The following CAMK2D variants were observed in gnomAD, a reference collection of about 807,000 sequenced individuals.
The protein encoded by CAMK2D is calcium/calmodulin dependent protein kinase II delta.
Under a neutral mutation model 84.0 loss-of-function variants are expected in CAMK2D, and 37 were observed. The observed-to-expected ratio is 0.44, with a 90% CI of 0.34 to 0.58. The LOEUF is 0.58. Ranked by LOEUF, CAMK2D falls within the 20% of genes least tolerant of loss-of-function variation. The pLI, the probability that CAMK2D is intolerant of heterozygous loss-of-function variation, is 0.02. For missense variants in CAMK2D, 448 were observed against 652.5 expected (o/e 0.69, Z 3.41); for synonymous variants, 202 against 212.5 (o/e 0.95, Z 0.43).
chr4:113,509,509 T>TCAACCTG, intron 13 of CAMK2D, 129 bp downstream of exon 13: 8 of 645,400 alleles, frequency 1.2e-5, no homozygotes, highest in South Asian at 6.0e-5. Context: ...ATTTCATATT[T>TCAACCTG]CAACCTGCAA....
chr4:113,573,994 T>A (rs1169899077), intron 4 of CAMK2D, among the ~76,000 whole-genome samples: 1 of 152,220 alleles, frequency 6.6e-6, no homozygotes, highest in African/African-American at 2.4e-5. Context: ...TCAGTAGATG[T>A]CTCATGGACA....
chr4:113,576,751 G>A (rs1361221926), intron 4 of CAMK2D, among the ~76,000 whole-genome samples: 1 of 151,910 alleles, frequency 6.6e-6, no homozygotes, highest in African/African-American at 2.4e-5. Flanking sequence ...AAAAAATTAA[G>A]AGGCTAGAAT....
At chr4:113,545,290 T>C (rs1472467660) in intron 6 of CAMK2D, among the ~76,000 whole-genome samples, 1 of 152,220 alleles carries the variant, frequency 6.6e-6, no homozygotes, top group African/African-American at 2.4e-5. Context: ...TATATCCTTA[T>C]AGGTGCTGTT....
At chr4:113,531,062 C>T (rs550077641) in intron 8 of CAMK2D, among the ~76,000 whole-genome samples, 154 bp downstream of exon 8, 11 of 152,106 alleles carry the variant, frequency 7.2e-5, no homozygotes, top group Middle Eastern at 3.4e-3. Flanking sequence ...CCAGCCTGGG[C>T]GACAGAGCAA....
chr4:113,523,856 T>A (rs975618995), intron 8 of CAMK2D, among the ~76,000 whole-genome samples: 1 of 151,998 alleles, frequency 6.6e-6, no homozygotes, highest in Non-Finnish European at 1.5e-5. Flanking sequence ...TTTTTGTTGT[T>A]TTTTTGTTTT....
rs909904696 is a variant in CAMK2D at position 113,455,966 on chromosome 4, G to A, written c.1536-145C>T. Reference sequence around the variant, plus strand: ...TGTAACCCCTTCTATATTAACTGGCGATTTGTGCTGTACCTCTTTGGGGTG... The same window carrying A: ...TGTAACCCCTTCTATATTAACTGGCAATTTGTGCTGTACCTCTTTGGGGTG... On this transcript the variant is annotated intron_variant, in intron 19 of 20. Coordinates refer to ENST00000511664, the MANE Select transcript of CAMK2D (RefSeq NM_001321571.2). 2.9e-5 allele frequency: 14 copies of A among 485,740 alleles called. No individual in the cohort carries two copies. In the South Asian group the frequency reaches 6.3e-4, roughly 22 times the overall value. The allele number at this position is 485,740 out of a possible 1,614,324, so 30.1% of individuals were successfully genotyped here.
intron 12 of CAMK2D, among the ~76,000 whole-genome samples, chr4:113,511,632 A>AT (rs2098216174): frequency 1.3e-5 from 2 of 152,212 alleles, no homozygotes; most frequent in African/African-American, 2.4e-5. Flanking sequence ...AATATCATAT[A>AT]TATGAATTAA....
chr4:113,760,967 G>T (rs2099640103), intron 1 of CAMK2D, 37 bp downstream of exon 1: 2 of 1,613,888 alleles, frequency 1.2e-6, no homozygotes, highest in Non-Finnish European at 1.7e-6. Flanking sequence ...CCCTCAGCTG[G>T]AAAGGGGATA....
At chr4:113,492,213 A>G (rs1437912199) in intron 16 of CAMK2D, among the ~76,000 whole-genome samples, 1 of 151,732 alleles carries the variant, frequency 6.6e-6, no homozygotes, top group Non-Finnish European at 1.5e-5. Flanking sequence ...TTGCTTTTCT[A>G]GTTCTTTTAA....
chr4:113,676,045 A>G (rs779880094), intron 2 of CAMK2D, among the ~76,000 whole-genome samples: 1 of 152,190 alleles, frequency 6.6e-6, no homozygotes, highest in Non-Finnish European at 1.5e-5. Flanking sequence ...CTTTATCTCT[A>G]TCATACAAAC....
At chr4:113,472,118 G>A (rs1243962041) in intron 16 of CAMK2D, among the ~76,000 whole-genome samples, 3 of 152,022 alleles carry the variant, frequency 2.0e-5, no homozygotes, top group Non-Finnish European at 4.4e-5. Flanking sequence ...GCTACTTTAC[G>A]TTACTTTGAT....
chr4:113,676,247 G>A (rs2099317866), intron 2 of CAMK2D, among the ~76,000 whole-genome samples: 1 of 152,112 alleles, frequency 6.6e-6, no homozygotes, highest in Non-Finnish European at 1.5e-5. Flanking sequence ...TCAGTTCCTT[G>A]ACCTCCCTGT....
chr4:113,693,814 A>T (rs1561876172), intron 2 of CAMK2D, among the ~76,000 whole-genome samples: 4 of 151,598 alleles, frequency 2.6e-5, no homozygotes, highest in South Asian at 4.2e-4. Flanking sequence ...CTGAAAGGTA[A>T]TTTTTTTTTA....
chr4:113,479,023 A>T (rs2097665834), intron 16 of CAMK2D, among the ~76,000 whole-genome samples: 1 of 152,206 alleles, frequency 6.6e-6, no homozygotes, highest in Non-Finnish European at 1.5e-5. Context: ...AACCACATGC[A>T]GTGATGTTAA....
chr4:113,692,574 A>ACATATATTCACACATATT (rs1464504896), intron 2 of CAMK2D, among the ~76,000 whole-genome samples: 2 of 152,002 alleles, frequency 1.3e-5, no homozygotes, highest in Admixed American at 1.3e-4. Context: ...AGTCATACAT[A>ACATATATTCACACATATT]CATATATTCA....
intron 16 of CAMK2D, among the ~76,000 whole-genome samples, chr4:113,494,575 G>C (rs1426073655): frequency 6.6e-6 from 1 of 152,236 alleles, no homozygotes; most frequent in Non-Finnish European, 1.5e-5. Flanking sequence ...AGTCTGCAGA[G>C]ATTACTGCTG....
At chr4:113,526,471 G>A (rs1284201638) in intron 8 of CAMK2D, among the ~76,000 whole-genome samples, 2 of 149,534 alleles carry the variant, frequency 1.3e-5, no homozygotes, top group African/African-American at 5.0e-5. Flanking sequence ...TGTGTACGTA[G>A]TATCTATCTA....
chr4:113,722,398 T>C (rs1305797885), intron 2 of CAMK2D, among the ~76,000 whole-genome samples: 1 of 152,090 alleles, frequency 6.6e-6, no homozygotes, highest in Admixed American at 6.6e-5. Context: ...AATCAAAAAT[T>C]ATTGCTGGGT....
At chr4:113,581,529 A>AAAAG (rs1553973879) in intron 4 of CAMK2D, among the ~76,000 whole-genome samples, 18 of 121,884 alleles carry the variant, frequency 1.5e-4, no homozygotes, top group East Asian at 4.3e-4. Context: ...AAAAAAAAAA[A>AAAAG]AAAAGAAAAG....
Sources: gnomAD v4.1 joint callset for allele counts (sites outside exome capture counted in the v4.1 genomes callset) on GRCh38, gnomAD v4.1.1 for gene constraint, MANE v1.5 for transcripts, NCBI Gene and HGNC (gene_info 2026-07-23, HGNC 2026-07-21) for gene names.